GLI3: variants seen among roughly 807,000 people sequenced by gnomAD.
GLI3 encodes transcription activator GLI3.
A neutral mutation model predicts 100.8 loss-of-function variants in GLI3; 20 were observed. That is an observed-to-expected ratio of 0.20 (90% CI 0.14 to 0.29). The LOEUF is 0.29. GLI3 is among the 10% of genes least tolerant of loss of function. The pLI is 1.00. For synonymous variants in GLI3, 938 were observed against 860.5 expected (o/e 1.09, Z -1.58); for missense variants, 2,040 against 2,128.5 (o/e 0.96, Z 0.82).
At chr7:42,116,235 T>TA (rs1181994844) in intron 3 of GLI3, among the ~76,000 whole-genome samples, 1 of 152,144 alleles carries the variant, frequency 6.6e-6, no homozygotes, top group African/African-American at 2.4e-5. Context: ...GCTCCCTATT[T>TA]AAGTGCTGAG....
intron 3 of GLI3, among the ~76,000 whole-genome samples, chr7:42,141,335 T>A (rs1187346420): frequency 2.0e-5 from 3 of 152,118 alleles, no homozygotes; most frequent in African/African-American, 7.2e-5. Context: ...ACGGTCCCCA[T>A]CCAAGTCTAT....
intron 10 of GLI3, among the ~76,000 whole-genome samples, chr7:42,021,059 G>A (rs1788927584): frequency 6.6e-6 from 1 of 152,128 alleles, no homozygotes; most frequent in Non-Finnish European, 1.5e-5. Flanking sequence ...ATATACTCAT[G>A]GGTAAGAAAG....
intron 2 of GLI3, among the ~76,000 whole-genome samples, chr7:42,182,644 GTATA>G (rs764864618): frequency 0.017 from 854 of 51,636 alleles, 14 homozygotes; most frequent in Middle Eastern, 0.047. Context: ...ATATGTGTGT[GTATA>G]TATATATATA....
chr7:42,047,177 C>A (rs1471177458), intron 5 of GLI3, among the ~76,000 whole-genome samples: 10 of 152,212 alleles, frequency 6.6e-5, no homozygotes, highest in Non-Finnish European at 1.2e-4. Flanking sequence ...AAATGTTAAT[C>A]CTGCCCAAAG....
At chr7:42,163,106 G>C in intron 2 of GLI3, among the ~76,000 whole-genome samples, 1 of 146,244 alleles carries the variant, frequency 6.8e-6, no homozygotes, top group East Asian at 2.1e-4. Flanking sequence ...TTGCAATACT[G>C]ACCTCCTTCT....
intron 13 of GLI3, among the ~76,000 whole-genome samples, chr7:41,969,648 A>T (rs1475463397): frequency 6.6e-6 from 1 of 151,972 alleles, no homozygotes; most frequent in Non-Finnish European, 1.5e-5. Context: ...GATGTCTTTG[A>T]CTCCTGGACT....
In GLI3 at chr7:41,972,508, C is replaced by T. The variant is rs756389197; in HGVS notation, c.1932G>A (p.Gly644=). 17 of 1,613,200 alleles carry T rather than the reference C, an allele frequency of 1.1e-5. No homozygotes were observed. The African/African-American group carries it at 1.7e-4, about 16-fold the overall frequency. Residue 644 remains glycine (G), a synonymous_variant, in exon 13 of 15, where the codon GGG becomes GGA. Coordinates refer to ENST00000395925, the MANE Select transcript of GLI3 (RefSeq NM_000168.6). The surrounding 1 kb of genome is among the most constrained non-coding windows in gnomAD (Gnocchi z 4.4). The part of the protein sequence containing the change: ...PEAHVTKKQR[G]DIHPRPPPPR... Reference sequence around the variant, plus strand: ...GGGGTGGCGGCCGAGGATGGATGTCCCCTCGCTGCTTCTTGGTGACATGAG... The same window carrying T: ...GGGGTGGCGGCCGAGGATGGATGTCTCCTCGCTGCTTCTTGGTGACATGAG...
rs560806131 is a variant in GLI3, at chr7:42,087,837, C to A, written c.368-10980G>T. Among the ~76,000 whole-genome samples the A allele has an allele frequency of 2.6e-3, 397 of 152,156 alleles. 2 individuals carry two copies. Among genetic ancestry groups the A allele is most frequent in the Non-Finnish European group, 4.8e-3 (327 of 68,010 alleles). ...ACTGCACACTGGGAGCATTAAAAGG[C>A]TCCACTTTCTTGTGTCCCTTAAACT... On this transcript the variant is annotated intron_variant, in intron 3 of 14. Coordinates refer to ENST00000395925, the MANE Select transcript of GLI3 (RefSeq NM_000168.6).
At chr7:42,027,355 T>A (rs892768005) in intron 7 of GLI3, among the ~76,000 whole-genome samples, 8 of 152,216 alleles carry the variant, frequency 5.3e-5, no homozygotes, top group African/African-American at 1.9e-4. Flanking sequence ...TTTAAAAAAA[T>A]AATCAGTGAA....
At chr7:42,039,576 G>A (rs759079467) in intron 7 of GLI3, among the ~76,000 whole-genome samples, 6 of 152,174 alleles carry the variant, frequency 3.9e-5, no homozygotes, top group Non-Finnish European at 8.8e-5. Context: ...GAAAAGTCCT[G>A]CTGTTTCTCT....
intron 4 of GLI3, among the ~76,000 whole-genome samples, chr7:42,058,104 T>C (rs1168032851): frequency 6.6e-6 from 1 of 151,694 alleles, no homozygotes; most frequent in East Asian, 1.9e-4. Context: ...AAATGGGAAG[T>C]TCATCAGAAA....
intron 1 of GLI3, among the ~76,000 whole-genome samples, chr7:42,225,303 C>T (rs1404903631): frequency 1.3e-5 from 2 of 152,072 alleles, no homozygotes; most frequent in Non-Finnish European, 2.9e-5. Context: ...TGTTAGCAAG[C>T]GTTACTAATT....
intron 3 of GLI3, among the ~76,000 whole-genome samples, chr7:42,124,141 G>A (rs1451027345): frequency 6.6e-6 from 1 of 152,062 alleles, no homozygotes; most frequent in African/African-American, 2.4e-5. Flanking sequence ...CATCTCAAAA[G>A]GTGATTTTCC....
intron 2 of GLI3, among the ~76,000 whole-genome samples, chr7:42,163,322 C>T (rs964638110): frequency 3.3e-5 from 5 of 152,100 alleles, no homozygotes; most frequent in African/African-American, 1.2e-4. Context: ...CTGTAGCTGC[C>T]TCTCTCTGAT....
rs1308173950 is a variant in GLI3 at position 42,040,190 on chromosome 7, A to G, written c.876T>C (p.Arg292=). The part of the protein sequence containing the change: ...PRLSARPSRK[R]TLSISPLSDH... Reference sequence around the variant, plus strand: ...CGGAGAGTGGTGATATGGACAGTGTACGTTTTCGGCTCGGCCTGGCTGACA... The same window carrying G: ...CGGAGAGTGGTGATATGGACAGTGTGCGTTTTCGGCTCGGCCTGGCTGACA... The change falls in exon 7 of 15, where the codon CGT becomes CGC. Residue 292 remains arginine, a synonymous_variant. Coordinates refer to ENST00000395925, the MANE Select transcript of GLI3 (RefSeq NM_000168.6). 4 of 1,613,954 alleles carry G rather than the reference A, an allele frequency of 2.5e-6. No homozygotes were observed. In the African/African-American group the frequency reaches 4.0e-5, roughly 16 times the overall value.
chr7:42,017,958 A>T (rs963058805), intron 10 of GLI3, among the ~76,000 whole-genome samples: 3 of 152,162 alleles, frequency 2.0e-5, no homozygotes, highest in African/African-American at 7.2e-5. Flanking sequence ...GCTGTTTCAC[A>T]GTATGATAAG....
Position 42,142,957 on chromosome 7 carries a change from G to C in GLI3, c.367+5269C>G, listed in dbSNP as rs561265278. ...TCCAAAAAAAAAAAAAAAAAAAAAA[G>C]GCTATGTAAGTGGCTCACTGTTTCT... On this transcript the variant is annotated intron_variant, in intron 3 of 14. Coordinates refer to ENST00000395925, the MANE Select transcript of GLI3 (RefSeq NM_000168.6). Among the ~76,000 whole-genome samples the C allele has an allele frequency of 3.7e-3, 523 of 139,818 alleles. 1 individual carries two copies. The highest frequency in any genetic ancestry group is 0.026 in the Middle Eastern group (7 of 270). 91.7% of individuals were successfully genotyped at this position (139,818 alleles called of 152,430 possible).
intron 8 of GLI3, among the ~76,000 whole-genome samples, 164 bp from the exon 9 acceptor site, chr7:42,025,541 G>A (rs1789088469): frequency 6.6e-6 from 1 of 152,214 alleles, no homozygotes; most frequent in South Asian, 2.1e-4. Context: ...CAGATAGTAT[G>A]TTCAAAGCTA....
intron 10 of GLI3, among the ~76,000 whole-genome samples, chr7:41,989,755 G>A (rs1787930722): frequency 6.6e-6 from 1 of 151,950 alleles, no homozygotes; most frequent in South Asian, 2.1e-4. Flanking sequence ...ATTTTGGGCT[G>A]GGTGCAGTGG....
Sources: allele counts gnomAD v4.1 joint callset (sites outside exome capture counted in the v4.1 genomes callset), GRCh38; gene constraint gnomAD v4.1.1; non-coding constraint Gnocchi (gnomAD v3.1); transcripts MANE v1.5; gene names NCBI Gene and HGNC (gene_info 2026-07-23, HGNC 2026-07-21).